APC: variants seen among roughly 807,000 people sequenced by gnomAD.
The protein encoded by APC is APC regulator of Wnt signaling pathway.
In APC, 72 loss-of-function variants were observed where a neutral mutation model predicts 247.0. The observed-to-expected ratio is 0.29, with a 90% CI of 0.24 to 0.35. The LOEUF (loss-of-function observed/expected upper bound fraction) is 0.35. Ranked by LOEUF, APC falls within the 10% of genes least tolerant of loss-of-function variation. APC has a pLI of 1.00. For synonymous variants in APC, 1,254 were observed against 1,162.5 expected (o/e 1.08, Z -1.60); for missense variants, 3,400 against 3,360.7 (o/e 1.01, Z -0.29).
chr5:112,817,947 G>T lies in APC; in HGVS notation c.934-1019G>T, dbSNP rs527708717. Among the ~76,000 whole-genome samples the T allele has an allele frequency of 5.9e-5, 9 of 152,234 alleles. No homozygotes were observed. The East Asian group carries it at 1.7e-3, about 29-fold the overall frequency. On this transcript the variant is annotated intron_variant, in intron 9 of 15. Coordinates refer to ENST00000257430, the MANE Select transcript of APC (RefSeq NM_000038.6). The stretch of plus-strand genomic sequence containing the variant: ...CCTTCCTAAAACTTTCATATCTAAA[G>T]GTGTATGTGTATTTACGCATCTAAA...
At chr5:112,771,068 G>GT (rs1246951987) in intron 4 of APC, among the ~76,000 whole-genome samples, 4 of 151,952 alleles carry the variant, frequency 2.6e-5, no homozygotes, top group Non-Finnish European at 4.4e-5. Flanking sequence ...AAATAAGTGG[G>GT]TTTTTTTAGG....
At chr5:112,806,821 T>G (rs1303120306) in intron 8 of APC, among the ~76,000 whole-genome samples, 1 of 152,112 alleles carries the variant, frequency 6.6e-6, no homozygotes, top group African/African-American at 2.4e-5. Flanking sequence ...CAAGCAATCC[T>G]CCAGCATTGG....
chr5:112,820,289 T>C (rs960417599), intron 10 of APC, among the ~76,000 whole-genome samples: 1 of 152,044 alleles, frequency 6.6e-6, no homozygotes, highest in Non-Finnish European at 1.5e-5. Flanking sequence ...ACATGACTTA[T>C]GAACCTATAG....
chr5:112,770,371 T>C (rs1756900222), intron 4 of APC, among the ~76,000 whole-genome samples: 1 of 152,184 alleles, frequency 6.6e-6, no homozygotes, highest in Non-Finnish European at 1.5e-5. Context: ...GCTAGTATTC[T>C]GACTTTTAAC....
At chr5:112,734,797 T>G (rs57776639), upstream of APC, among the ~76,000 whole-genome samples, 1,555 of 151,230 alleles carry the variant, frequency 0.01, 27 homozygotes, top group African/African-American at 0.035. Context: ...GTGTGTGTTT[T>G]TTTTTTTTTT....
In APC at chr5:112,839,924, C is replaced by A. The variant is rs1287444666; in HGVS notation, c.4330C>A (p.Gln1444Lys). 1 of 1,614,094 alleles carries A rather than the reference C, an allele frequency of 6.2e-7. No individual in the cohort carries two copies. Among genetic ancestry groups the A allele is most frequent in the Non-Finnish European group, 8.5e-7 (1 of 1,180,012 alleles). ...SRSKTPPPPP[Q>K]TAQTKREVPK... ...AAGTAAAACACCTCCACCACCTCCT[C>A]AAACAGCTCAAACCAAGCGAGAAGT... Residue 1444 changes from glutamine (Q) to lysine (K), a missense_variant, in exon 16 of 16, where the codon CAA becomes AAA. Around this residue, in one of 9 missense-constraint regions of APC, gnomAD observed 1,788 missense variants for 1,649.5 expected, o/e 1.08. Transcript: ENST00000257430. This position sits in a 1 kb window ranked among gnomAD's most constrained non-coding sequence, Gnocchi z 5.0.
intron 8 of APC, among the ~76,000 whole-genome samples, chr5:112,803,417 TTAG>T (rs1196408595): frequency 6.6e-6 from 1 of 152,196 alleles, no homozygotes; most frequent in Non-Finnish European, 1.5e-5. Flanking sequence ...CAGCTGTAGA[TTAG>T]TTAAGTGGCT....
chr5:112,820,496 T>G (rs1448618674), intron 10 of APC, among the ~76,000 whole-genome samples: 8 of 152,088 alleles, frequency 5.3e-5, no homozygotes, highest in Non-Finnish European at 1.2e-4. Flanking sequence ...TTTAAAAAAT[T>G]TAAAAAGCAT....
chr5:112,744,122 G>A (rs892240407), intron 1 of APC, among the ~76,000 whole-genome samples: 2 of 152,032 alleles, frequency 1.3e-5, no homozygotes, highest in Admixed American at 6.5e-5. Context: ...GATTACAGGT[G>A]TGAGCCACTG....
intron 4 of APC, among the ~76,000 whole-genome samples, chr5:112,768,112 C>T (rs1441282941): frequency 2.5e-4 from 37 of 149,218 alleles, no homozygotes; most frequent in African/African-American, 7.9e-4. Context: ...GGCACAATCT[C>T]GGCTCACTGC....
rs201478136 is a variant in APC, at chr5:112,819,146, A to G, written c.1114A>G (p.Asn372Asp). 12 of 1,614,084 alleles carry G rather than the reference A, an allele frequency of 7.4e-6. No individual in the cohort carries two copies. In the East Asian group the frequency reaches 2.0e-4, roughly 27 times the overall value. Residue 372 changes from asparagine to aspartate, a missense_variant, in exon 10 of 16, where the codon AAT (asparagine) becomes GAT (aspartate). Coordinates refer to ENST00000257430, the MANE Select transcript of APC (RefSeq NM_000038.6). ...GNDKDSVLLG[N>D]SRGSKEARAR... ...TGACAAAGACTCTGTATTGTTGGGAAATTCCCGGGGCAGTAAAGAGGCTCG... is the reference window on the plus strand; with the variant it reads ...TGACAAAGACTCTGTATTGTTGGGAGATTCCCGGGGCAGTAAAGAGGCTCG...
In APC at chr5:112,842,117, A is replaced by G. The variant is rs1766235853; in HGVS notation, c.6523A>G (p.Thr2175Ala). 6.2e-7 allele frequency: 1 copy of G among 1,611,088 alleles called. No homozygotes were observed. Among genetic ancestry groups the G allele is most frequent in the Non-Finnish European group, 8.5e-7 (1 of 1,178,034 alleles). ...AATTCTAAAACCAGGGGAGAAAAGT[A>G]CATTGGAAACTAAAAAGATAGAATC... is the stretch of plus-strand genomic sequence containing the variant. ...PRILKPGEKS[T>A]LETKKIESES... The change falls in exon 16 of 16, where the codon ACA becomes GCA. Residue 2175 changes from threonine (T) to alanine (A), a missense_variant. Coordinates refer to ENST00000257430, the MANE Select transcript of APC (RefSeq NM_000038.6).
At chr5:112,764,692 T>C (rs532419546) in intron 2 of APC, among the ~76,000 whole-genome samples, 9 of 152,264 alleles carry the variant, frequency 5.9e-5, no homozygotes, top group African/African-American at 2.2e-4. Context: ...AATTAACTGC[T>C]CAAGGGTAGT....
intron 11 of APC, among the ~76,000 whole-genome samples, chr5:112,824,972 C>T (rs1763495420): frequency 6.6e-6 from 1 of 152,116 alleles, no homozygotes. Flanking sequence ...GTTTTAGACA[C>T]ATTATTGAAC....
intron 8 of APC, among the ~76,000 whole-genome samples, chr5:112,815,179 T>C (rs1762368567): frequency 6.6e-6 from 1 of 152,246 alleles, no homozygotes; most frequent in Admixed American, 6.5e-5. Flanking sequence ...TTTTCATCAA[T>C]GAACTTATCT....
At chr5:112,804,910 G>A (rs1561520701) in intron 8 of APC, among the ~76,000 whole-genome samples, 2 of 152,058 alleles carry the variant, frequency 1.3e-5, no homozygotes, top group South Asian at 2.1e-4. Flanking sequence ...GAGCCTGGGA[G>A]GTCAAGGCTG....
At chr5:112,746,126 A>G (rs989579873) in intron 1 of APC, among the ~76,000 whole-genome samples, 1 of 151,300 alleles carries the variant, frequency 6.6e-6, no homozygotes, top group Non-Finnish European at 1.5e-5. Flanking sequence ...AATACATTTG[A>G]AAAACTAGAG....
Position 112,832,409 on chromosome 5 carries a change from C to G in APC, c.1744-2542C>G, listed in dbSNP as rs144729228. 6.6e-5 allele frequency among the ~76,000 whole-genome samples: 10 copies of G among 152,344 alleles called. No homozygotes were observed. The East Asian group carries it at 1.9e-3, about 29-fold the overall frequency. On this transcript the variant is annotated intron_variant, in intron 14 of 15. Coordinates refer to ENST00000257430, the MANE Select transcript of APC (RefSeq NM_000038.6). ...CAAAGGCACTTCTTGCATAAAAGCA[C>G]TCTATCTGCCTCCTACCACTTATGT...
intron 6 of APC, among the ~76,000 whole-genome samples, chr5:112,788,366 G>T (rs1442197599): frequency 6.6e-6 from 1 of 152,138 alleles, no homozygotes; most frequent in Non-Finnish European, 1.5e-5. Context: ...GGAGAAGTCA[G>T]ACCTTCATAA....
Sources: gnomAD v4.1 joint callset for allele counts (sites outside exome capture counted in the v4.1 genomes callset) on GRCh38, gnomAD v4.1.1 for gene constraint, gnomAD v4.1.1 regional missense constraint, Gnocchi (gnomAD v3.1) non-coding constraint, MANE v1.5 for transcripts, NCBI Gene and HGNC (gene_info 2026-07-23, HGNC 2026-07-21) for gene names.